MPDZ: variants seen among roughly 807,000 people sequenced by gnomAD.
MPDZ encodes the protein multiple PDZ domain crumbs cell polarity complex component.
Under a neutral mutation model 239.1 loss-of-function variants are expected in MPDZ, and 234 were observed. The observed-to-expected ratio is 0.98, with a 90% CI of 0.88 to 1.09. The LOEUF (loss-of-function observed/expected upper bound fraction) is 1.09, where lower values mean the gene tolerates loss of function less well. Ranked by LOEUF, MPDZ falls within the 50% of genes least tolerant of loss-of-function variation. The pLI is 0.00. For synonymous variants in MPDZ, 1,048 were observed against 881.3 expected, an observed-to-expected ratio of 1.19 and a Z score of -3.35; for missense variants, 3,175 against 2,510.0, an observed-to-expected ratio of 1.26 and a Z score of -5.66.
intron 25 of MPDZ, among the ~76,000 whole-genome samples, chr9:13,149,193 A>AAAAAAAAACGGTCATC (rs1273556699): frequency 2.0e-5 from 3 of 147,142 alleles, no homozygotes; most frequent in African/African-American, 7.4e-5. Context: ...AACGGTCATC[A>AAAAAAAAACGGTCATC]AAAAAAAAAG....
chr9:13,123,428 T>G (rs538056217), intron 35 of MPDZ, 130 bp from the exon 36 acceptor site: 39 of 627,134 alleles, frequency 6.2e-5, no homozygotes, highest in African/African-American at 5.0e-4. Flanking sequence ...AAAAGAGACT[T>G]TGTATTTACC....
chr9:13,253,984 G>C (rs1968773945), intron 1 of MPDZ, among the ~76,000 whole-genome samples: 1 of 152,228 alleles, frequency 6.6e-6, no homozygotes, highest in Admixed American at 6.5e-5. Flanking sequence ...TCGCTAGTAA[G>C]TGATGGAGCC....
intron 1 of MPDZ, among the ~76,000 whole-genome samples, chr9:13,267,664 G>A (rs1268455879): frequency 1.3e-5 from 2 of 152,158 alleles, no homozygotes; most frequent in Non-Finnish European, 2.9e-5. Flanking sequence ...AAAAGACATG[G>A]AGAAGAATGT....
chr9:13,222,824 A>G (rs909470211), intron 5 of MPDZ, among the ~76,000 whole-genome samples: 1 of 152,036 alleles, frequency 6.6e-6, no homozygotes, highest in Non-Finnish European at 1.5e-5. Flanking sequence ...GATCACATCC[A>G]TAGATTAGAT....
intron 23 of MPDZ, among the ~76,000 whole-genome samples, chr9:13,160,202 C>A (rs370730779): frequency 1.3e-5 from 2 of 152,166 alleles, no homozygotes; most frequent in East Asian, 3.9e-4. Context: ...TCCTTCCTTG[C>A]TTCCAATGGT....
At position 13,150,554 on chromosome 9, in the gene MPDZ, G is replaced by T. The variant is rs773951043; in HGVS notation, c.3587C>A (p.Ala1196Asp). ...AGGTTTCAAGGTTCCATTTTTGCCAGCTGGACTATCTTCCAGAACATGTTT... is the reference window on the plus strand; with the variant it reads ...AGGTTTCAAGGTTCCATTTTTGCCATCTGGACTATCTTCCAGAACATGTTT... ...FIKHVLEDSP[A>D]GKNGTLKPGD... The change falls in exon 25 of 47, where the codon GCT (alanine) becomes GAT (aspartate). Residue 1196 changes from alanine to aspartate, a missense_variant. By Grantham distance (126) the Ala-to-Asp change is moderately radical. Transcript: ENST00000319217. 1 of 1,576,152 alleles carries T rather than the reference G, an allele frequency of 6.3e-7. No individual in the cohort carries two copies. Among genetic ancestry groups the T allele is most frequent in the African/African-American group, 1.4e-5 (1 of 73,322 alleles).
At chr9:13,131,521 C>T (rs1396121895) in intron 32 of MPDZ, among the ~76,000 whole-genome samples, 3 of 152,062 alleles carry the variant, frequency 2.0e-5, no homozygotes, top group Non-Finnish European at 2.9e-5. Flanking sequence ...GAAGCGAAAC[C>T]GCCATGGTGA....
At chr9:13,176,526 A>T in intron 19 of MPDZ, 109 bp from the exon 20 acceptor site, 1 of 945,790 alleles carries the variant, frequency 1.1e-6, no homozygotes. Flanking sequence ...TGTAAAACAT[A>T]ACAATTATTT....
intron 22 of MPDZ, chr9:13,165,525 T>G: frequency 1.6e-6 from 2 of 1,249,738 alleles, no homozygotes; most frequent in Middle Eastern, 2.1e-4. Context: ...CTCCTGGTTG[T>G]TTTTTTTCCC....
chr9:13,145,681 T>A (rs920616607), intron 26 of MPDZ, among the ~76,000 whole-genome samples: 9 of 152,056 alleles, frequency 5.9e-5, no homozygotes, highest in Non-Finnish European at 1.2e-4. Flanking sequence ...TGACTAAACA[T>A]GTCATTCATA....
chr9:13,142,519 G>A (rs1399689678), intron 27 of MPDZ, among the ~76,000 whole-genome samples: 3 of 152,030 alleles, frequency 2.0e-5, no homozygotes, highest in African/African-American at 7.2e-5. Context: ...TGTCAAAAAT[G>A]CAGTGTATAC....
At position 13,106,770 on chromosome 9, in the gene MPDZ, GAAGAA is replaced by G. The variant is rs981783101; in HGVS notation, c.*190_*194del. The G allele has an allele frequency of 1.8e-6, 1 of 562,866 alleles. No individual in the cohort carries two copies. Among genetic ancestry groups the G allele is most frequent in the South Asian group, 3.6e-5 (1 of 27,664 alleles). The allele number at this position is 562,866 out of a possible 1,614,324, so 34.9% of individuals were successfully genotyped here. On this transcript the variant is annotated 3_prime_UTR_variant, in exon 47 of 47. Transcript: ENST00000319217. The stretch of plus-strand genomic sequence containing the variant: ...TTCTCTTTAAGTTCACAAAATGCAA[GAAGAA>G]AAGAAAAATGATGTTAGGTTGTCAG...
At chr9:13,200,252 G>A (rs2135446772) in intron 12 of MPDZ, among the ~76,000 whole-genome samples, 1 of 151,930 alleles carries the variant, frequency 6.6e-6, no homozygotes, top group African/African-American at 2.4e-5. Flanking sequence ...GTTCATAATA[G>A]TCTCTAACAA....
At chr9:13,203,590 A>G (rs909052747) in intron 12 of MPDZ, among the ~76,000 whole-genome samples, 2 of 152,102 alleles carry the variant, frequency 1.3e-5, no homozygotes, top group African/African-American at 4.8e-5. Context: ...TGGAAGAGGC[A>G]ATAATATCTT....
At chr9:13,276,751 G>A (rs1441541148) in intron 1 of MPDZ, 1 of 152,162 alleles carries the variant, frequency 6.6e-6, no homozygotes, top group Non-Finnish European at 1.5e-5. Flanking sequence ...TATACAAAAT[G>A]TAGCCAACCT....
chr9:13,180,126 T>C (rs1376578002), intron 19 of MPDZ, among the ~76,000 whole-genome samples: 1 of 152,168 alleles, frequency 6.6e-6, no homozygotes, highest in Non-Finnish European at 1.5e-5. Flanking sequence ...AGTGATTTAG[T>C]TTTTTATTCT....
intron 32 of MPDZ, among the ~76,000 whole-genome samples, chr9:13,129,498 T>C (rs1288934020): frequency 1.3e-5 from 2 of 150,468 alleles, no homozygotes; most frequent in African/African-American, 4.9e-5. Context: ...TAAATAAAAA[T>C]AAATAAATGA....
chr9:13,154,826 C>T (rs1949626926), intron 24 of MPDZ, among the ~76,000 whole-genome samples: 1 of 152,012 alleles, frequency 6.6e-6, no homozygotes, highest in South Asian at 2.1e-4. Flanking sequence ...CATTTTCCAC[C>T]CATTAGATTG....
At chr9:13,209,090 G>A (rs1336400361) in intron 10 of MPDZ, among the ~76,000 whole-genome samples, 1 of 152,090 alleles carries the variant, frequency 6.6e-6, no homozygotes, top group African/African-American at 2.4e-5. Flanking sequence ...AGCCTGTCTG[G>A]TCTGTAAGAA....
Sources: gnomAD v4.1 joint callset for allele counts (sites outside exome capture counted in the v4.1 genomes callset) on GRCh38, gnomAD v4.1.1 for gene constraint, MANE v1.5 for transcripts, NCBI Gene and HGNC (gene_info 2026-07-23, HGNC 2026-07-21) for gene names.